SEC24B: variants seen among roughly 807,000 people sequenced by gnomAD.
SEC24B encodes SEC24 homolog B, COPII component.
In SEC24B, 45 loss-of-function variants were observed where a neutral mutation model predicts 142.8. The observed-to-expected ratio is 0.32, with a 90% confidence interval of 0.25 to 0.40. The LOEUF (loss-of-function observed/expected upper bound fraction) is 0.40. Ranked by LOEUF, SEC24B falls within the 10% of genes least tolerant of loss-of-function variation. SEC24B has a pLI of 1.00. For synonymous variants in SEC24B, 574 were observed against 568.2 expected, an observed-to-expected ratio of 1.01 and a Z score of -0.15; for missense variants, 1,409 against 1,526.8, an observed-to-expected ratio of 0.92 and a Z score of 1.29.
At chr4:109,474,375 C>T (rs562136844) in intron 3 of SEC24B, among the ~76,000 whole-genome samples, 32 of 151,018 alleles carry the variant, frequency 2.1e-4, no homozygotes, top group South Asian at 1.9e-3. Flanking sequence ...TTAAATGTTT[C>T]GCTTTTTTTG....
intron 1 of SEC24B, among the ~76,000 whole-genome samples, chr4:109,461,579 G>A (rs1229963325): frequency 6.6e-6 from 1 of 152,120 alleles, no homozygotes; most frequent in African/African-American, 2.4e-5. Flanking sequence ...GCAAGTTGCG[G>A]AACTGTAATA....
At chr4:109,495,443 G>A (rs1735444980) in intron 6 of SEC24B, among the ~76,000 whole-genome samples, 2 of 152,174 alleles carry the variant, frequency 1.3e-5, no homozygotes, top group African/African-American at 4.8e-5. Context: ...CACACGTGGA[G>A]TTTATGGGTG....
At position 109,520,294 on chromosome 4, in the gene SEC24B, T is replaced by C. The variant is rs185237104; in HGVS notation, c.2127-72T>C. 6 of 915,376 alleles carry C rather than the reference T, an allele frequency of 6.6e-6. No homozygotes were observed. In the Admixed American group the frequency reaches 1.1e-4, roughly 16 times the overall value. The allele number at this position is 915,376 out of a possible 1,614,324, so 56.7% of individuals were successfully genotyped here. ...GTAATTATCCTTGGACTTAAATTAC[T>C]ATTTCATTATTTTCTGAAATGAAAT... is the stretch of plus-strand genomic sequence containing the variant. On this transcript the variant is annotated intron_variant, in intron 11 of 23. Transcript: ENST00000265175.
intron 2 of SEC24B, among the ~76,000 whole-genome samples, chr4:109,465,915 T>C (rs905258462): frequency 2.6e-5 from 4 of 152,318 alleles, no homozygotes; most frequent in African/African-American, 9.6e-5. Context: ...ATAATGAATA[T>C]ATTTTAGAAT....
Position 109,463,113 on chromosome 4 carries a change from T to C in SEC24B, c.346T>C (p.Leu116=). ...GAACCAGCAACCAGGAGCACAGCAGTTGTACAGCAGGGGTCCTCCTGCCCC... is the reference window on the plus strand; with the variant it reads ...GAACCAGCAACCAGGAGCACAGCAGCTGTACAGCAGGGGTCCTCCTGCCCC... The part of the protein sequence containing the change: ...TVNQQPGAQQ[L]YSRGPPAPHI... The change falls in exon 2 of 24, where the codon TTG becomes CTG. Residue 116 remains leucine (L), a synonymous_variant. Transcript: ENST00000265175. The C allele has an allele frequency of 6.2e-7, 1 of 1,614,176 alleles. No homozygotes were observed. The highest frequency in any genetic ancestry group is 1.3e-5 in the African/African-American group (1 of 75,050).
At chr4:109,498,938 C>CA (rs1184194625) in intron 6 of SEC24B, among the ~76,000 whole-genome samples, 3 of 151,194 alleles carry the variant, frequency 2.0e-5, no homozygotes, top group African/African-American at 7.3e-5. Flanking sequence ...TGTTTAAAAA[C>CA]AAAAATAAAA....
At chr4:109,456,906 C>T (rs1263190092) in intron 1 of SEC24B, among the ~76,000 whole-genome samples, 2 of 152,046 alleles carry the variant, frequency 1.3e-5, no homozygotes, top group East Asian at 1.9e-4. Flanking sequence ...TCACAGAGAC[C>T]ATCATTTTTA....
intron 12 of SEC24B, 81 bp downstream of exon 12, chr4:109,520,565 A>C (rs1723497051): frequency 1.2e-6 from 1 of 801,490 alleles, no homozygotes; most frequent in Admixed American, 2.1e-5. Context: ...ACACCTTGCT[A>C]TATGCTGTGA....
chr4:109,498,087 T>G (rs1263260247), intron 6 of SEC24B, among the ~76,000 whole-genome samples: 1 of 152,200 alleles, frequency 6.6e-6, no homozygotes, highest in African/African-American at 2.4e-5. Flanking sequence ...CAGTACAGAA[T>G]TAAGCACTTT....
At chr4:109,484,142 T>C (rs1419662839) in intron 4 of SEC24B, among the ~76,000 whole-genome samples, 1 of 152,228 alleles carries the variant, frequency 6.6e-6, no homozygotes, top group Non-Finnish European at 1.5e-5. Context: ...ATTTGGATCA[T>C]GCGTTGAATT....
intron 6 of SEC24B, among the ~76,000 whole-genome samples, chr4:109,504,767 T>A (rs1470022854): frequency 6.6e-6 from 1 of 152,180 alleles, no homozygotes; most frequent in East Asian, 1.9e-4. Flanking sequence ...CATCTGTTGA[T>A]ATCTATTGGT....
At chr4:109,467,539 T>C (rs181970942) in intron 2 of SEC24B, among the ~76,000 whole-genome samples, 9 of 152,242 alleles carry the variant, frequency 5.9e-5, no homozygotes, top group Admixed American at 3.3e-4. Context: ...AGAAGCTCTT[T>C]TTTAGTTTGA....
In SEC24B at chr4:109,527,522, C is replaced by T. The variant is rs568735018; in HGVS notation, c.3076+90C>T. 40 of 956,636 alleles carry T rather than the reference C, an allele frequency of 4.2e-5. 1 individual carries two copies. The South Asian group carries it at 5.9e-4, about 14-fold the overall frequency. The allele number at this position is 956,636 out of a possible 1,614,324, so 59.3% of individuals were successfully genotyped here. On this transcript the variant is annotated intron_variant, in intron 18 of 23. Transcript: ENST00000265175. ...GTGGCAGTGCGTCCGCCTGTAATCC[C>T]AGCATTTTGGGAGGCTGAGGCGGAC...
At chr4:109,506,662 C>T (rs1736720424) in intron 7 of SEC24B, 150 bp downstream of exon 7, 2 of 517,996 alleles carry the variant, frequency 3.9e-6, no homozygotes, top group Non-Finnish European at 6.2e-6. Flanking sequence ...TAAAATTTGA[C>T]TTAGGTCATC....
At chr4:109,499,688 T>C (rs941821186) in intron 6 of SEC24B, among the ~76,000 whole-genome samples, 8 of 152,248 alleles carry the variant, frequency 5.3e-5, no homozygotes, top group Non-Finnish European at 1.0e-4. Flanking sequence ...GCATTACTCA[T>C]GTGTTTGTGG....
chr4:109,500,067 G>T (rs1305638852), intron 6 of SEC24B, among the ~76,000 whole-genome samples: 1 of 152,038 alleles, frequency 6.6e-6, no homozygotes, highest in East Asian at 1.9e-4. Context: ...GTGTGTTTGT[G>T]TATTCATTTT....
chr4:109,509,681 A>G (rs967281239), intron 7 of SEC24B, among the ~76,000 whole-genome samples: 6 of 142,072 alleles, frequency 4.2e-5, no homozygotes, highest in Non-Finnish European at 7.4e-5. Flanking sequence ...CATCTCAGAA[A>G]AAAAAAAAAA....
chr4:109,535,474 T>A (rs1357778192), intron 22 of SEC24B, among the ~76,000 whole-genome samples: 1 of 151,830 alleles, frequency 6.6e-6, no homozygotes, highest in Non-Finnish European at 1.5e-5. Context: ...GAGAACCACT[T>A]GAACCTGGGA....
chr4:109,436,440 T>C (rs1728416770), intron 1 of SEC24B, among the ~76,000 whole-genome samples: 1 of 152,184 alleles, frequency 6.6e-6, no homozygotes, highest in Non-Finnish European at 1.5e-5. Flanking sequence ...AATATGAGCA[T>C]AAAACAGACA....
Sources: allele counts gnomAD v4.1 joint callset (sites outside exome capture counted in the v4.1 genomes callset), GRCh38; gene constraint gnomAD v4.1.1; transcripts MANE v1.5; gene names NCBI Gene and HGNC (gene_info 2026-07-23, HGNC 2026-07-21).